Variants in CCDC181 observed in about 807,000 individuals in gnomAD.
CCDC181 encodes coiled-coil domain-containing protein 181.
CCDC181 carries 35 observed loss-of-function variants against 58.7 expected under a neutral mutation model. That is an observed-to-expected ratio of 0.60 (90% confidence interval 0.46 to 0.79). CCDC181 has a LOEUF of 0.79. Among genes scored for constraint, CCDC181 ranks in the 30% least tolerant of loss-of-function variants. The pLI, the probability that CCDC181 is intolerant of heterozygous loss-of-function variation, is 0.00. For synonymous variants in CCDC181, 183 were observed against 197.5 expected (o/e 0.93, Z 0.62); for missense variants, 517 against 583.9 (o/e 0.89, Z 1.18).
chr1:169,434,976 A>G (rs1486474370), intron 2 of CCDC181, among the ~76,000 whole-genome samples: 2 of 152,134 alleles, frequency 1.3e-5, no homozygotes, highest in Admixed American at 1.3e-4. Context: ...TAATGGGTAC[A>G]AGGTGTCAGT....
chr1:169,444,292 T>TA (rs1348543807), intron 2 of CCDC181, among the ~76,000 whole-genome samples: 1 of 152,090 alleles, frequency 6.6e-6, no homozygotes, highest in Non-Finnish European at 1.5e-5. Context: ...AAAAAGAAAA[T>TA]ACAGTACTAC....
chr1:169,459,913 A>G (rs899872188), intron 1 of CCDC181: 2 of 150,016 alleles, frequency 1.3e-5, no homozygotes, highest in South Asian at 2.1e-4. Context: ...AGGAAAAAAA[A>G]AAAAAAAAAA....
At position 169,424,840 on chromosome 1, in the gene CCDC181, T is replaced by C. The variant is rs752192458; in HGVS notation, c.88A>G (p.Asn30Asp). The change falls in exon 2 of 6, where the codon AAT (asparagine) becomes GAT (aspartate). Residue 30 changes from asparagine (N) to aspartate (D), a missense_variant. Asn to Asp is a conservative substitution (Grantham distance 23). Coordinates refer to ENST00000367806, the MANE Select transcript of CCDC181 (RefSeq NM_001300969.2). Reference sequence around the variant, plus strand: ...ATTATGCTGGCATCACTTTTTTCATTTTCATTAATTAACCACTCCAGGTCC... The same window carrying C: ...ATTATGCTGGCATCACTTTTTTCATCTTCATTAATTAACCACTCCAGGTCC... Reference protein sequence around the residue: ...EKDLEWLINENEKSDASIIEM... With the variant: ...EKDLEWLINEDEKSDASIIEM... 6.2e-7 allele frequency: 1 copy of C among 1,602,046 alleles called. No individual in the cohort carries two copies. The highest frequency in any genetic ancestry group is 8.5e-7 in the Non-Finnish European group (1 of 1,171,348).
intron 2 of CCDC181, among the ~76,000 whole-genome samples, chr1:169,441,192 ATATT>A (rs1409556925): frequency 1.3e-5 from 2 of 152,150 alleles, no homozygotes; most frequent in Non-Finnish European, 2.9e-5. Context: ...TCTTTAATGA[ATATT>A]TATTGAGTTC....
intron 2 of CCDC181, among the ~76,000 whole-genome samples, chr1:169,440,821 C>G (rs1320042871): frequency 4.0e-5 from 6 of 151,258 alleles, no homozygotes; most frequent in African/African-American, 1.5e-4. Flanking sequence ...GTAATCCCAG[C>G]TACTTGGGAA....
At chr1:169,444,991 G>A (rs1391759483) in intron 2 of CCDC181, among the ~76,000 whole-genome samples, 2 of 152,034 alleles carry the variant, frequency 1.3e-5, no homozygotes, top group Non-Finnish European at 2.9e-5. Flanking sequence ...TACTTCCAAG[G>A]TCCTACATAA....
chr1:169,444,086 C>T (rs1657306801), intron 2 of CCDC181, among the ~76,000 whole-genome samples: 2 of 152,146 alleles, frequency 1.3e-5, no homozygotes, highest in Admixed American at 1.3e-4. Flanking sequence ...AAGAGGAAGT[C>T]AATATGCTAA....
intron 1 of CCDC181, among the ~76,000 whole-genome samples, chr1:169,425,459 T>C (rs1256375268): frequency 6.6e-6 from 1 of 152,100 alleles, no homozygotes; most frequent in African/African-American, 2.4e-5. Flanking sequence ...TATTTTAAAC[T>C]AAAAACACAA....
intron 2 of CCDC181, among the ~76,000 whole-genome samples, chr1:169,451,841 C>T (rs1231616259): frequency 6.6e-6 from 1 of 152,004 alleles, no homozygotes; most frequent in African/African-American, 2.4e-5. Flanking sequence ...TAACTTATGG[C>T]TTTTAGCTTG....
At chr1:169,426,755 A>G (rs1301339295) in intron 1 of CCDC181, among the ~76,000 whole-genome samples, 1 of 152,230 alleles carries the variant, frequency 6.6e-6, no homozygotes, top group Non-Finnish European at 1.5e-5. Flanking sequence ...TAATCCATAC[A>G]TCATGAAACC....
intron 4 of CCDC181, among the ~76,000 whole-genome samples, chr1:169,408,001 G>T (rs1413861144): frequency 6.6e-6 from 1 of 152,178 alleles, no homozygotes; most frequent in Non-Finnish European, 1.5e-5. Context: ...AAAACTGGGT[G>T]GCCGTTTGGG....
Position 169,419,016 on chromosome 1 carries a change from A to C in CCDC181, c.1212T>G (p.Ser404Arg). 4 of 1,611,262 alleles carry C rather than the reference A, an allele frequency of 2.5e-6. No homozygotes were observed. Among genetic ancestry groups the C allele is most frequent in the Non-Finnish European group, 3.4e-6 (4 of 1,178,010 alleles). ...TTTTCAGAGAAGTTTTACTTACTCT[A>C]CTGTTCATGTCTTCAATTTCCTTTG... Reference protein sequence around the residue: ...QRAKEIEDMNSRQENRDPQQA... With the variant: ...QRAKEIEDMNRRQENRDPQQA... Residue 404 changes from serine to arginine, a missense_variant, in exon 4 of 6, where the codon AGT (serine) becomes AGG (arginine). Transcript: ENST00000367806.
intron 4 of CCDC181, among the ~76,000 whole-genome samples, chr1:169,401,730 AAATC>A (rs1655362181): frequency 6.6e-6 from 1 of 152,228 alleles, no homozygotes; most frequent in Non-Finnish European, 1.5e-5. Flanking sequence ...AAAATTCTAA[AAATC>A]AGAGTGCCTC....
At chr1:169,419,686 A>C (rs1159405449) in intron 3 of CCDC181, among the ~76,000 whole-genome samples, 1 of 152,226 alleles carries the variant, frequency 6.6e-6, no homozygotes, top group Non-Finnish European at 1.5e-5. Flanking sequence ...ATTTTACATT[A>C]TTTATACATT....
intron 2 of CCDC181, among the ~76,000 whole-genome samples, chr1:169,453,235 T>C (rs1434581624): frequency 6.6e-6 from 1 of 152,096 alleles, no homozygotes; most frequent in Non-Finnish European, 1.5e-5. Context: ...TGGAATTCTT[T>C]AGACTTTTCT....
At chr1:169,432,372 G>T (rs753055876), upstream of CCDC181, among the ~76,000 whole-genome samples, 10 of 152,170 alleles carry the variant, frequency 6.6e-5, no homozygotes, top group Non-Finnish European at 1.3e-4. Context: ...ATGGACCACA[G>T]TCTGCATTGT....
intron 2 of CCDC181, among the ~76,000 whole-genome samples, chr1:169,453,726 C>A (rs1657610634): frequency 7.4e-6 from 1 of 134,906 alleles, no homozygotes; most frequent in Non-Finnish European, 1.6e-5. Flanking sequence ...ACACATAATT[C>A]TTTTTTTTTT....
intron 4 of CCDC181, among the ~76,000 whole-genome samples, chr1:169,411,885 A>C (rs1655984267): frequency 6.6e-6 from 1 of 152,214 alleles, no homozygotes; most frequent in African/African-American, 2.4e-5. Context: ...ATCTCAAAAT[A>C]ATAAGAGCTA....
chr1:169,458,175 G>GTTTTT (rs369111049), intron 2 of CCDC181, among the ~76,000 whole-genome samples: 8 of 126,902 alleles, frequency 6.3e-5, no homozygotes, highest in South Asian at 2.5e-4. Context: ...AGTAATTTTT[G>GTTTTT]TTTTTTTTTT....
Sources: allele counts gnomAD v4.1 joint callset (sites outside exome capture counted in the v4.1 genomes callset), GRCh38; gene constraint gnomAD v4.1.1; transcripts MANE v1.5; gene names NCBI Gene and HGNC (gene_info 2026-07-23, HGNC 2026-07-21).